Variants in SDK1 observed in about 807,000 individuals in gnomAD.
The protein encoded by SDK1 is protein sidekick-1.
Under a neutral mutation model 245.5 loss-of-function variants are expected in SDK1, and 157 were observed. The observed-to-expected ratio is 0.64, with a 90% CI of 0.56 to 0.73. The LOEUF is 0.73. Among genes scored for constraint, SDK1 ranks in the 30% least tolerant of loss-of-function variants. SDK1 has a pLI of 0.00. For missense variants in SDK1, 3,583 were observed against 3,002.3 expected, an observed-to-expected ratio of 1.19 and a Z score of -4.52; for synonymous variants, 1,647 against 1,278.5, an observed-to-expected ratio of 1.29 and a Z score of -6.15.
At chr7:3,412,695 C>G (rs1779246561) in intron 1 of SDK1, among the ~76,000 whole-genome samples, 1 of 152,182 alleles carries the variant, frequency 6.6e-6, no homozygotes, top group Admixed American at 6.5e-5. Context: ...GCCAGGTGGC[C>G]TTCTCCATAG....
chr7:3,750,174 C>G (rs1171822473), intron 4 of SDK1, among the ~76,000 whole-genome samples: 1 of 152,140 alleles, frequency 6.6e-6, no homozygotes, highest in African/African-American at 2.4e-5. Context: ...ATTTGTTTAT[C>G]ATTGCAAAAG....
At chr7:3,825,340 A>T (rs894464560) in intron 5 of SDK1, among the ~76,000 whole-genome samples, 2 of 150,064 alleles carry the variant, frequency 1.3e-5, no homozygotes, top group Non-Finnish European at 3.0e-5. Flanking sequence ...AAAAAAAAAA[A>T]GCCACAGGCG....
chr7:3,836,772 A>G (rs1290589219), intron 5 of SDK1, among the ~76,000 whole-genome samples: 2 of 152,246 alleles, frequency 1.3e-5, no homozygotes, highest in African/African-American at 4.8e-5. Flanking sequence ...TAGACCCTCC[A>G]CAGGAAAACT....
At chr7:4,120,219 T>G (rs1783970072) in intron 25 of SDK1, among the ~76,000 whole-genome samples, 1 of 148,998 alleles carries the variant, frequency 6.7e-6, no homozygotes, top group South Asian at 2.2e-4. Flanking sequence ...TACACAGAGA[T>G]AATAGCCGAG....
At chr7:3,447,016 T>G (rs1439584128) in intron 1 of SDK1, among the ~76,000 whole-genome samples, 1 of 152,190 alleles carries the variant, frequency 6.6e-6, no homozygotes, top group Non-Finnish European at 1.5e-5. Flanking sequence ...TGATGTGCAG[T>G]GGGCTTTAGG....
intron 28 of SDK1, among the ~76,000 whole-genome samples, chr7:4,135,415 T>A (rs1231693937): frequency 6.6e-6 from 1 of 152,212 alleles, no homozygotes; most frequent in Non-Finnish European, 1.5e-5. Flanking sequence ...GAGAAATTCT[T>A]GCCTGTGTGC....
chr7:3,738,841 G>C (rs1040201590), intron 4 of SDK1, among the ~76,000 whole-genome samples: 1 of 151,730 alleles, frequency 6.6e-6, no homozygotes, highest in Non-Finnish European at 1.5e-5. Flanking sequence ...TTAATGTGTA[G>C]AAACACAACT....
intron 4 of SDK1, among the ~76,000 whole-genome samples, chr7:3,778,005 G>A (rs1184221817): frequency 6.6e-6 from 1 of 152,134 alleles, no homozygotes; most frequent in Non-Finnish European, 1.5e-5. Context: ...TTTCTAACAT[G>A]ATTTTGTTTT....
Position 3,546,698 on chromosome 7 carries a change from C to T in SDK1, c.299-72382C>T, listed in dbSNP as rs115408072. Among the ~76,000 whole-genome samples the T allele has an allele frequency of 2.1e-3, 320 of 152,346 alleles. 4 individuals carry two copies. The highest frequency in any genetic ancestry group is 7.6e-3 in the African/African-American group (315 of 41,592). Reference sequence around the variant, plus strand: ...CTGTACTGCGTAAAGACCATCATTTCACAAGGAACCTGTGGTCACTTTGTG... The same window carrying T: ...CTGTACTGCGTAAAGACCATCATTTTACAAGGAACCTGTGGTCACTTTGTG... On this transcript the variant is annotated intron_variant, in intron 1 of 44. Transcript: ENST00000404826.
intron 4 of SDK1, among the ~76,000 whole-genome samples, chr7:3,820,979 C>T (rs74597901): frequency 0.021 from 3,225 of 152,340 alleles, 121 homozygotes; most frequent in African/African-American, 0.072. Context: ...TTTCCTTCTA[C>T]GCACCAGTGT....
chr7:3,915,356 T>C (rs911923020), intron 5 of SDK1, among the ~76,000 whole-genome samples: 6 of 152,156 alleles, frequency 3.9e-5, no homozygotes, highest in Admixed American at 3.3e-4. Flanking sequence ...TCATCTTGAA[T>C]TGTAGCTCCC....
At chr7:4,091,765 C>A (rs147530606) in intron 22 of SDK1, among the ~76,000 whole-genome samples, 358 of 152,246 alleles carry the variant, frequency 2.4e-3, no homozygotes, top group African/African-American at 8.3e-3. Flanking sequence ...CAGACTCAAG[C>A]AGAATATACT....
At chr7:3,651,439 A>G (rs1202452378) in intron 4 of SDK1, among the ~76,000 whole-genome samples, 3 of 152,216 alleles carry the variant, frequency 2.0e-5, no homozygotes, top group Admixed American at 2.0e-4. Flanking sequence ...AGTCAGTTGA[A>G]TGGGTGAAAG....
chr7:4,004,707 G>A (rs771343740), intron 14 of SDK1, among the ~76,000 whole-genome samples: 1 of 152,176 alleles, frequency 6.6e-6, no homozygotes, highest in African/African-American at 2.4e-5. Flanking sequence ...CAGAAATTAT[G>A]TCAATTCATC....
chr7:3,356,777 G>A (rs1197945887), intron 1 of SDK1, among the ~76,000 whole-genome samples: 4 of 152,062 alleles, frequency 2.6e-5, no homozygotes. Context: ...TCTTTCTGAG[G>A]CCAGGCACGG....
intron 5 of SDK1, among the ~76,000 whole-genome samples, chr7:3,914,222 G>A (rs1032635640): frequency 6.6e-6 from 1 of 152,152 alleles, no homozygotes. Flanking sequence ...CAATATGCTT[G>A]TCTGCATTAT....
At chr7:3,645,941 C>G (rs1408640400) in intron 4 of SDK1, among the ~76,000 whole-genome samples, 2 of 152,030 alleles carry the variant, frequency 1.3e-5, no homozygotes, top group Admixed American at 6.6e-5. Flanking sequence ...TCACTGCAAC[C>G]TCTGCCTCCC....
At chr7:4,218,888 A>G (rs1178060545) in intron 38 of SDK1, among the ~76,000 whole-genome samples, 1 of 149,398 alleles carries the variant, frequency 6.7e-6, no homozygotes, top group Non-Finnish European at 1.5e-5. Context: ...AACTTATCTA[A>G]CTGTTTTTTT....
intron 1 of SDK1, among the ~76,000 whole-genome samples, chr7:3,473,981 C>T (rs1462109339): frequency 6.6e-6 from 1 of 151,102 alleles, no homozygotes; most frequent in Admixed American, 6.6e-5. Context: ...TCAAATGCCT[C>T]GATATTTTTG....
Sources: gnomAD v4.1 joint callset for allele counts (sites outside exome capture counted in the v4.1 genomes callset) on GRCh38, gnomAD v4.1.1 for gene constraint, MANE v1.5 for transcripts, NCBI Gene and HGNC (gene_info 2026-07-23, HGNC 2026-07-21) for gene names.